Variants in MARS1 observed in about 807,000 individuals in gnomAD.
The protein encoded by MARS1 is methionine--tRNA ligase, cytoplasmic.
A neutral mutation model predicts 119.5 loss-of-function variants in MARS1; 80 were observed. The ratio of observed to expected loss-of-function variants is 0.67; its 90% CI spans 0.56 to 0.81. MARS1 has a LOEUF of 0.81. Among genes scored for constraint, MARS1 ranks in the 30% least tolerant of loss-of-function variants. The pLI, the probability that MARS1 is intolerant of heterozygous loss-of-function variation, is 0.00. For synonymous variants in MARS1, 418 were observed against 433.4 expected (o/e 0.96, Z 0.44); for missense variants, 945 against 1,116.5 (o/e 0.85, Z 2.19).
At chr12:57,497,700 C>T (rs769789251) in intron 7 of MARS1, among the ~76,000 whole-genome samples, 2 of 152,052 alleles carry the variant, frequency 1.3e-5, no homozygotes, top group South Asian at 2.1e-4. Flanking sequence ...CGGGTCGTAT[C>T]TAGGCTGGTG....
rs199629182 is a variant in MARS1, at chr12:57,503,028, AAAC to A, written c.1294-1173_1294-1171del. Among the ~76,000 whole-genome samples, 437 of 151,818 alleles carry A rather than the reference AAAC, an allele frequency of 2.9e-3. 2 individuals are homozygous for A. Among genetic ancestry groups the A allele is most frequent in the African/African-American group, 6.9e-3 (284 of 41,344 alleles). ...GCAACAGAGTGAGACTTCGTCTCAA[AAAC>A]AACAACAACAACAACAACAACAAAA... On this transcript the variant is annotated intron_variant, in intron 10 of 20. Transcript: ENST00000262027.
Position 57,498,153 on chromosome 12 carries a change from C to T in MARS1, c.771-4C>T. 6.2e-7 allele frequency: 1 copy of T among 1,601,722 alleles called. No homozygotes were observed. The highest frequency in any genetic ancestry group is 8.6e-7 in the Non-Finnish European group (1 of 1,168,604). On this transcript the variant is annotated splice_region_variant and splice_polypyrimidine_tract_variant and intron_variant, in intron 7 of 20. Transcript: ENST00000262027. ...GCACTGTTCTCTTCCTCTTTCCTTA[C>T]TAGGTTGCCTGTGGCTGGAGAAAGG...
At chr12:57,490,117 T>G in intron 5 of MARS1, 90 bp from the exon 6 acceptor site, 1 of 1,494,170 alleles carries the variant, frequency 6.7e-7, no homozygotes, top group South Asian at 1.2e-5. Flanking sequence ...GGAAAGCAAC[T>G]GGAGAAACCT....
At position 57,514,947 on chromosome 12, in the gene MARS1, T is replaced by C. The variant is rs751694528; in HGVS notation, c.2100-7T>C. On this transcript the variant is annotated splice_region_variant and splice_polypyrimidine_tract_variant and intron_variant, in intron 16 of 20. Transcript: ENST00000262027. ...ATTACACCTTGGCCTGCTTCCTCCC[T>C]TCCCAGGATCCGGGATGCCTTGCGC... 6.2e-7 allele frequency: 1 copy of C among 1,614,176 alleles called. No homozygotes were observed. The highest frequency in any genetic ancestry group is 8.5e-7 in the Non-Finnish European group (1 of 1,180,012).
chr12:57,489,199 C>CTGTGTGA, intron 2 of MARS1, 68 bp from the exon 3 acceptor site: 1 of 1,599,254 alleles, frequency 6.3e-7, no homozygotes, highest in Non-Finnish European at 8.6e-7. Context: ...CATTGTTTCC[C>CTGTGTGA]TGTGTGATGA....
At position 57,498,378 on chromosome 12, in the gene MARS1, G is replaced by A. The variant is rs778037146; in HGVS notation, c.888-42G>A. ...GGGGAGATCCCAAGGACAAGGAAGC[G>A]CTGAAGCGGGGCCCCCTAGCGATCA... On this transcript the variant is annotated intron_variant, in intron 8 of 20. Coordinates refer to ENST00000262027, the MANE Select transcript of MARS1 (RefSeq NM_004990.4). The A allele has an allele frequency of 8.1e-6, 13 of 1,601,296 alleles. No individual in the cohort carries two copies. The Admixed American group carries it at 1.0e-4, about 12-fold the overall frequency.
In MARS1 at chr12:57,490,249, C is replaced by T. The variant is rs1394369709; in HGVS notation, c.533C>T (p.Thr178Ile). The T allele has an allele frequency of 5.0e-6, 8 of 1,613,854 alleles. No homozygotes were observed. In the African/African-American group the frequency reaches 9.3e-5, roughly 19 times the overall value. ...ALHSWFQTLS[T>I]QEPCQRAAET... ...CACAGCTGGTTCCAGACACTGAGTA[C>T]CCAGGAACCATGTCAGCGAGCTGCA... Residue 178 changes from threonine (T) to isoleucine (I), a missense_variant, in exon 6 of 21, where the codon ACC (threonine) becomes ATC (isoleucine). Coordinates refer to ENST00000262027, the MANE Select transcript of MARS1 (RefSeq NM_004990.4).
rs151260441 is a variant in MARS1, at chr12:57,498,187, C to T, written c.801C>T (p.Leu267=). ...VLPVAGERNV[L]ITSALPYVNN... ...CTGTGGCTGGAGAAAGGAATGTGCT[C>T]ATCACCAGTGCCCTCCCTTACGTCA... The change falls in exon 8 of 21, where the codon CTC becomes CTT. Residue 267 remains leucine, a synonymous_variant. Transcript: ENST00000262027. 385 of 1,614,122 alleles carry T rather than the reference C, an allele frequency of 2.4e-4. No homozygotes were observed. The African/African-American group carries it at 4.3e-3, about 18-fold the overall frequency.
chr12:57,501,341 A>G (rs990016993), intron 10 of MARS1, among the ~76,000 whole-genome samples: 2 of 152,240 alleles, frequency 1.3e-5, no homozygotes, highest in Admixed American at 6.5e-5. Flanking sequence ...ATTCTGGTGA[A>G]TGACAAGCTG....
At chr12:57,493,879 A>G (rs1442172660) in intron 7 of MARS1, among the ~76,000 whole-genome samples, 1 of 46,778 alleles carries the variant, frequency 2.1e-5, no homozygotes, top group Non-Finnish European at 3.5e-5. Flanking sequence ...AATATATATA[A>G]TATATAATAT....
At chr12:57,503,973 T>A in intron 10 of MARS1, 4 of 517,612 alleles carry the variant, frequency 7.7e-6, no homozygotes, top group Non-Finnish European at 1.4e-5. Flanking sequence ...ACCTAGCCTA[T>A]GTTCAGAGAA....
chr12:57,508,151 G>A (rs1478529867), intron 11 of MARS1, among the ~76,000 whole-genome samples: 1 of 152,166 alleles, frequency 6.6e-6, no homozygotes, highest in Middle Eastern at 3.2e-3. Flanking sequence ...ATGGCGGCCG[G>A]GCAGAGACAC....
At chr12:57,497,247 G>C (rs1594818213) in intron 7 of MARS1, among the ~76,000 whole-genome samples, 1 of 152,326 alleles carries the variant, frequency 6.6e-6, no homozygotes, top group East Asian at 1.9e-4. Context: ...GGAGAGAAAG[G>C]GTGATGGATG....
chr12:57,493,187 C>G (rs1009859963), intron 7 of MARS1, among the ~76,000 whole-genome samples: 1 of 146,922 alleles, frequency 6.8e-6, no homozygotes, highest in Non-Finnish European at 1.5e-5. Flanking sequence ...AGAGGTGTCT[C>G]TTTTATGGGG....
At chr12:57,493,904 TAA>T (rs1876422653) in intron 7 of MARS1, among the ~76,000 whole-genome samples, 2 of 62,790 alleles carry the variant, frequency 3.2e-5, no homozygotes, top group African/African-American at 7.2e-5. Context: ...TTATGTTATA[TAA>T]TATATATAAT....
At chr12:57,493,152 A>G (rs559310755) in intron 7 of MARS1, among the ~76,000 whole-genome samples, 2 of 149,912 alleles carry the variant, frequency 1.3e-5, no homozygotes, top group South Asian at 4.2e-4. Context: ...TTGTTTCTTC[A>G]CTAATTTGTA....
At chr12:57,514,695 T>A in intron 15 of MARS1, 25 bp from the exon 16 acceptor site, 1 of 1,613,838 alleles carries the variant, frequency 6.2e-7, no homozygotes, top group Non-Finnish European at 8.5e-7. Flanking sequence ...TTTTTTCCAC[T>A]TCTGCTTTCC....
intron 7 of MARS1, 64 bp downstream of exon 7, chr12:57,490,708 G>C (rs1875874419): frequency 1.5e-6 from 2 of 1,357,630 alleles, no homozygotes; most frequent in African/African-American, 1.4e-5. Context: ...GATAGAGCCA[G>C]AACCTGCCTG....
intron 11 of MARS1, among the ~76,000 whole-genome samples, chr12:57,508,299 C>T (rs918447862): frequency 1.3e-5 from 2 of 152,184 alleles, no homozygotes; most frequent in African/African-American, 4.8e-5. Context: ...CTTTGGGAGG[C>T]CAAGGCAGGC....
Sources: gnomAD v4.1 joint callset for allele counts (sites outside exome capture counted in the v4.1 genomes callset) on GRCh38, gnomAD v4.1.1 for gene constraint, MANE v1.5 for transcripts, NCBI Gene and HGNC (gene_info 2026-07-23, HGNC 2026-07-21) for gene names.